Variants in ZFYVE9 observed in about 807,000 individuals in gnomAD.
ZFYVE9 encodes zinc finger FYVE-type containing 9, also known as zinc finger FYVE domain-containing protein 9.
ZFYVE9 carries 43 observed loss-of-function variants against 126.7 expected under a neutral mutation model. That is an observed-to-expected ratio of 0.34 (90% CI 0.27 to 0.44). ZFYVE9 has a LOEUF of 0.44. Among genes scored for constraint, ZFYVE9 ranks in the 20% least tolerant of loss-of-function variants. The pLI, the probability that ZFYVE9 is intolerant of heterozygous loss-of-function variation, is 1.00. For missense variants in ZFYVE9, 1,476 were observed against 1,697.0 expected, an observed-to-expected ratio of 0.87 and a Z score of 2.29; for synonymous variants, 521 against 597.4, an observed-to-expected ratio of 0.87 and a Z score of 1.87.
At chr1:52,303,794 A>T (rs780675136) in intron 12 of ZFYVE9, 27 bp from the exon 13 acceptor site, 1 of 1,455,142 alleles carries the variant, frequency 6.9e-7, no homozygotes, top group Admixed American at 2.2e-5. Context: ...GAATTAATTT[A>T]TTCTGCTTCA....
At chr1:52,151,478 A>G (rs1050465244) in intron 1 of ZFYVE9, among the ~76,000 whole-genome samples, 3 of 151,670 alleles carry the variant, frequency 2.0e-5, no homozygotes, top group Non-Finnish European at 4.4e-5. Flanking sequence ...TCATCCTGTG[A>G]ATCTTGTCCT....
At chr1:52,286,809 C>T (rs1645865804) in intron 10 of ZFYVE9, among the ~76,000 whole-genome samples, 1 of 152,104 alleles carries the variant, frequency 6.6e-6, no homozygotes. Context: ...TGATCTGTTC[C>T]TATATTTTTA....
At chr1:52,196,675 A>G (rs1004833433) in intron 1 of ZFYVE9, among the ~76,000 whole-genome samples, 2 of 152,226 alleles carry the variant, frequency 1.3e-5, no homozygotes, top group Non-Finnish European at 2.9e-5. Flanking sequence ...ATAAACATCA[A>G]TAAAGCCTGG....
intron 1 of ZFYVE9, among the ~76,000 whole-genome samples, chr1:52,175,823 A>G (rs1159076892): frequency 6.6e-6 from 1 of 151,800 alleles, no homozygotes; most frequent in African/African-American, 2.4e-5. Context: ...TGCATTCTTC[A>G]CGTAGTTCTC....
intron 1 of ZFYVE9, chr1:52,180,351 G>C: frequency 6.4e-7 from 1 of 1,559,898 alleles, no homozygotes; most frequent in South Asian, 1.1e-5. Flanking sequence ...CGTGGAAGGA[G>C]ATATCAAGGC....
intron 10 of ZFYVE9, among the ~76,000 whole-genome samples, chr1:52,291,506 A>G (rs1008558912): frequency 1.3e-5 from 2 of 152,200 alleles, no homozygotes; most frequent in African/African-American, 4.8e-5. Flanking sequence ...AACTGAGGAA[A>G]ATGTCTCCTT....
chr1:52,219,825 C>T (rs992489097), intron 2 of ZFYVE9, among the ~76,000 whole-genome samples: 7 of 148,348 alleles, frequency 4.7e-5, no homozygotes, highest in Admixed American at 2.7e-4. Context: ...CTCTGTCGCC[C>T]GGGCTGGAGT....
At chr1:52,167,655 A>G (rs1644526192) in intron 1 of ZFYVE9, among the ~76,000 whole-genome samples, 1 of 152,204 alleles carries the variant, frequency 6.6e-6, no homozygotes, top group Non-Finnish European at 1.5e-5. Flanking sequence ...ACCTCATCAG[A>G]AAGCACATAC....
chr1:52,180,568 A>G (rs1644688711), intron 1 of ZFYVE9: 10 of 638,698 alleles, frequency 1.6e-5, no homozygotes, highest in Non-Finnish European at 2.8e-5. Flanking sequence ...TGCAGCTGCT[A>G]TCACTTTCTT....
chr1:52,189,519 G>A (rs189412126), intron 1 of ZFYVE9, among the ~76,000 whole-genome samples: 207 of 151,886 alleles, frequency 1.4e-3, no homozygotes, highest in African/African-American at 4.6e-3. Flanking sequence ...TTACAGGTGC[G>A]AGCCACTGAG....
chr1:52,235,971 C>T (rs1442856898), intron 3 of ZFYVE9, among the ~76,000 whole-genome samples: 1 of 152,106 alleles, frequency 6.6e-6, no homozygotes, highest in African/African-American at 2.4e-5. Context: ...AGAACCTTAA[C>T]TGTTGTTTAT....
At chr1:52,167,114 G>C (rs1369006004) in intron 1 of ZFYVE9, among the ~76,000 whole-genome samples, 1 of 152,122 alleles carries the variant, frequency 6.6e-6, no homozygotes, top group Non-Finnish European at 1.5e-5. Flanking sequence ...CAAACACATG[G>C]TATCAGTAAG....
intron 7 of ZFYVE9, 74 bp from the exon 8 acceptor site, chr1:52,274,386 CCATT>C: frequency 6.9e-7 from 1 of 1,439,630 alleles, no homozygotes. Flanking sequence ...ACTTAAGTTC[CCATT>C]TGTATTTTTA....
chr1:52,213,752 A>G (rs1371300852), intron 1 of ZFYVE9, among the ~76,000 whole-genome samples: 5 of 152,214 alleles, frequency 3.3e-5, no homozygotes, highest in Admixed American at 2.6e-4. Flanking sequence ...ACAGAAGAGG[A>G]GATAACAGTG....
At chr1:52,299,416 A>G (rs1247058304) in intron 12 of ZFYVE9, among the ~76,000 whole-genome samples, 1 of 152,118 alleles carries the variant, frequency 6.6e-6, no homozygotes, top group South Asian at 2.1e-4. Context: ...TCTCTTGCCT[A>G]AGTGCTCTGG....
intron 15 of ZFYVE9, among the ~76,000 whole-genome samples, chr1:52,336,513 C>T (rs1055813138): frequency 9.2e-5 from 14 of 151,930 alleles, no homozygotes; most frequent in Admixed American, 1.3e-4. Flanking sequence ...TGCGCCAACA[C>T]GCCCAGCTAA....
rs1159852399 is a variant in ZFYVE9 at position 52,292,469 on chromosome 1, CTTTTTTTTTTTT to C, written c.3026-973_3026-962del. On this transcript the variant is annotated intron_variant, in intron 10 of 18. Transcript: ENST00000287727. ...CAGCAGCTTCCTAATCTGAACATTT[CTTTTTTTTTTTT>C]TTTTTTTTTTGAGACAGTGTCACTC... Among the ~76,000 whole-genome samples the C allele has an allele frequency of 1.9e-3, 189 of 102,002 alleles. 1 individual carries two copies. The highest frequency in any genetic ancestry group is 6.9e-3 in the African/African-American group (171 of 24,608). 66.9% of individuals were successfully genotyped at this position (102,002 alleles called of 152,430 possible).
intron 13 of ZFYVE9, among the ~76,000 whole-genome samples, chr1:52,306,530 C>T (rs574982226): frequency 2.6e-5 from 4 of 152,348 alleles, no homozygotes; most frequent in South Asian, 2.1e-4. Context: ...GACAAGAACT[C>T]GGGACCTGCC....
chr1:52,304,136 C>T (rs1280967891), intron 13 of ZFYVE9, among the ~76,000 whole-genome samples: 1 of 151,922 alleles, frequency 6.6e-6, no homozygotes, highest in Non-Finnish European at 1.5e-5. Flanking sequence ...TGTCATTTTA[C>T]CTTTTGATGT....
Sources: gnomAD v4.1 joint callset for allele counts (sites outside exome capture counted in the v4.1 genomes callset) on GRCh38, gnomAD v4.1.1 for gene constraint, MANE v1.5 for transcripts, NCBI Gene and HGNC (gene_info 2026-07-23, HGNC 2026-07-21) for gene names.